RANBP17: variants seen among roughly 807,000 people sequenced by gnomAD.
RANBP17 encodes the protein RAN binding protein 17.
Under a neutral mutation model 141.2 loss-of-function variants are expected in RANBP17, and 158 were observed. The ratio of observed to expected loss-of-function variants is 1.12; its 90% CI spans 0.98 to 1.28. The LOEUF (loss-of-function observed/expected upper bound fraction) is 1.28, where lower values mean the gene tolerates loss of function less well. RANBP17 is among the 50% of genes most tolerant of loss of function. The probability of loss-of-function intolerance (pLI) is 0.00; values close to 1 mark genes in which losing one functional copy is unlikely to be tolerated. For missense variants in RANBP17, 1,438 were observed against 1,290.7 expected (o/e 1.11, Z -1.75); for synonymous variants, 430 against 450.0 (o/e 0.96, Z 0.56).
chr5:171,046,057 CCTT>C (rs1243327725), intron 14 of RANBP17, among the ~76,000 whole-genome samples: 3 of 152,098 alleles, frequency 2.0e-5, no homozygotes, highest in Admixed American at 6.5e-5. Context: ...TTTTCTGTCT[CCTT>C]CTTCCCAAAT....
intron 25 of RANBP17, among the ~76,000 whole-genome samples, chr5:171,273,325 C>T (rs1561819591): frequency 6.6e-6 from 1 of 152,176 alleles, no homozygotes; most frequent in Non-Finnish European, 1.5e-5. Context: ...TTCTTAAGGT[C>T]TGAATCTACA....
chr5:170,863,726 G>C (rs1043613411), intron 1 of RANBP17: 2 of 152,204 alleles, frequency 1.3e-5, no homozygotes, highest in African/African-American at 4.8e-5. Context: ...ATGGAAAGGT[G>C]ATGTACAGTT....
chr5:171,052,985 T>TGGGATTAC (rs1554088535), intron 14 of RANBP17, among the ~76,000 whole-genome samples: 1 of 151,934 alleles, frequency 6.6e-6, no homozygotes, highest in Non-Finnish European at 1.5e-5. Flanking sequence ...CCCAAGTAGC[T>TGGGATTAC]ACTTTCATAT....
chr5:171,002,214 A>G (rs918804252), intron 14 of RANBP17, among the ~76,000 whole-genome samples: 5 of 152,082 alleles, frequency 3.3e-5, no homozygotes, highest in Non-Finnish European at 7.4e-5. Flanking sequence ...CTGGAAGGAG[A>G]TATTTTCCTT....
chr5:171,151,394 A>G (rs901055199), intron 14 of RANBP17, among the ~76,000 whole-genome samples: 8 of 152,188 alleles, frequency 5.3e-5, no homozygotes, highest in Non-Finnish European at 1.2e-4. Flanking sequence ...AATTTCTGAA[A>G]TATTTAAATT....
At chr5:170,947,626 A>G (rs1021070303) in intron 12 of RANBP17, among the ~76,000 whole-genome samples, 3 of 152,104 alleles carry the variant, frequency 2.0e-5, no homozygotes, top group Non-Finnish European at 2.9e-5. Flanking sequence ...TCTTTCAGTC[A>G]TTGTAATCAG....
chr5:171,049,755 C>CT (rs1782833342), intron 14 of RANBP17, among the ~76,000 whole-genome samples: 1 of 152,072 alleles, frequency 6.6e-6, no homozygotes, highest in African/African-American at 2.4e-5. Flanking sequence ...TTTTTGTTCA[C>CT]TTTGTCAAAG....
At chr5:171,253,288 A>G (rs1410673917) in intron 24 of RANBP17, among the ~76,000 whole-genome samples, 3 of 152,218 alleles carry the variant, frequency 2.0e-5, no homozygotes, top group African/African-American at 7.2e-5. Flanking sequence ...TCTCTTTATT[A>G]ATTGCACCAA....
chr5:170,915,125 C>G (rs911796025), intron 8 of RANBP17, among the ~76,000 whole-genome samples: 2 of 152,048 alleles, frequency 1.3e-5, no homozygotes, highest in African/African-American at 4.8e-5. Flanking sequence ...TTAGTCGCAA[C>G]AGTCTTGCTT....
At chr5:171,047,789 T>A (rs1230323933) in intron 14 of RANBP17, among the ~76,000 whole-genome samples, 4 of 152,202 alleles carry the variant, frequency 2.6e-5, no homozygotes, top group Non-Finnish European at 5.9e-5. Flanking sequence ...ACAAGTTCTT[T>A]GTTGGATATG....
At chr5:171,158,756 G>T (rs902157335) in intron 14 of RANBP17, among the ~76,000 whole-genome samples, 1 of 151,672 alleles carries the variant, frequency 6.6e-6, no homozygotes, top group Non-Finnish European at 1.5e-5. Context: ...GCTTGTTGGT[G>T]CCAGTTCTCA....
At chr5:170,959,053 G>A (rs538162038) in intron 13 of RANBP17, among the ~76,000 whole-genome samples, 15 of 152,260 alleles carry the variant, frequency 9.9e-5, no homozygotes, top group South Asian at 8.3e-4. Context: ...CATGCTTAGC[G>A]TTCCAATAAT....
intron 20 of RANBP17, among the ~76,000 whole-genome samples, chr5:171,208,385 T>C (rs886893195): frequency 3.9e-5 from 6 of 152,196 alleles, no homozygotes; most frequent in Admixed American, 6.5e-5. Flanking sequence ...AGGAAGATCA[T>C]TGACATACTT....
intron 14 of RANBP17, among the ~76,000 whole-genome samples, chr5:171,077,263 C>T (rs1784988403): frequency 6.6e-6 from 1 of 151,992 alleles, no homozygotes; most frequent in Non-Finnish European, 1.5e-5. Context: ...TGGCGTGAAC[C>T]CGGTAGGCCG....
chr5:170,995,357 A>G (rs985667753), intron 14 of RANBP17, among the ~76,000 whole-genome samples: 1 of 152,168 alleles, frequency 6.6e-6, no homozygotes, highest in African/African-American at 2.4e-5. Context: ...CTTTCAAAGT[A>G]AATTGTTCTC....
chr5:171,118,579 G>A (rs1279411480), intron 14 of RANBP17, among the ~76,000 whole-genome samples: 1 of 151,850 alleles, frequency 6.6e-6, no homozygotes, highest in Non-Finnish European at 1.5e-5. Context: ...TTTCATTTGT[G>A]TTTTGTAGTT....
At chr5:171,259,768 G>T (rs1038815689) in intron 24 of RANBP17, among the ~76,000 whole-genome samples, 14 of 152,132 alleles carry the variant, frequency 9.2e-5, no homozygotes, top group Non-Finnish European at 1.8e-4. Flanking sequence ...ATCACTTGAG[G>T]TCAGGAGTTT....
intron 14 of RANBP17, among the ~76,000 whole-genome samples, chr5:171,137,716 G>T (rs1199830918): frequency 6.6e-6 from 1 of 151,486 alleles, no homozygotes; most frequent in East Asian, 1.9e-4. Flanking sequence ...ACCAATTTAT[G>T]GTTCAACTGT....
At chr5:170,922,286 G>C (rs11134667) in intron 11 of RANBP17, among the ~76,000 whole-genome samples, 97,924 of 151,898 alleles carry the variant, frequency 0.64, 32,248 homozygotes, top group South Asian at 0.9. Context: ...ACACAGGGGT[G>C]AGGGACCCGC....
Sources: allele counts gnomAD v4.1 joint callset (sites outside exome capture counted in the v4.1 genomes callset), GRCh38; gene constraint gnomAD v4.1.1; transcripts MANE v1.5; gene names NCBI Gene and HGNC (gene_info 2026-07-23, HGNC 2026-07-21).